ITIH4: variants seen among roughly 807,000 people sequenced by gnomAD.
ITIH4 encodes inter-alpha-trypsin inhibitor heavy chain H4.
A neutral mutation model predicts 111.8 loss-of-function variants in ITIH4; 79 were observed. The ratio of observed to expected loss-of-function variants is 0.71; its 90% CI spans 0.59 to 0.85. The LOEUF (loss-of-function observed/expected upper bound fraction) is 0.85, where lower values mean the gene tolerates loss of function less well. ITIH4 is among the 40% of genes least tolerant of loss of function. ITIH4 has a pLI of 0.00. For missense variants in ITIH4, 1,065 were observed against 1,195.8 expected, an observed-to-expected ratio of 0.89 and a Z score of 1.61; for synonymous variants, 472 against 468.3, an observed-to-expected ratio of 1.01 and a Z score of -0.10.
intron 20 of ITIH4, 90 bp from the exon 21 acceptor site, chr3:52,817,148 T>G: frequency 9.0e-7 from 1 of 1,114,002 alleles, no homozygotes; most frequent in Admixed American, 2.2e-5. Flanking sequence ...TCACACCCCC[T>G]GGAGTTCTGC....
At position 52,820,701 on chromosome 3, in the gene ITIH4, G is replaced by A; in HGVS notation, c.1764C>T (p.Leu588=). ...LSLAYSFVTP[L]TSMVVTKPDD... is the part of the protein sequence containing the mutation. ...CGGGTTTGGTGACTACCATAGATGT[G>A]AGAGGCGTGACAAAGCTGTAGGCAA... Residue 588 remains leucine, a synonymous_variant, in exon 13 of 24, where the codon CTC becomes CTT. Coordinates refer to ENST00000266041, the MANE Select transcript of ITIH4 (RefSeq NM_002218.5). The A allele has an allele frequency of 1.2e-6, 2 of 1,614,146 alleles. No individual in the cohort carries two copies. Among genetic ancestry groups the A allele is most frequent in the South Asian group, 1.1e-5 (1 of 91,070 alleles).
chr3:52,827,263 TC>T, intron 2 of ITIH4, 66 bp from the exon 3 acceptor site: 2 of 1,277,832 alleles, frequency 1.6e-6, no homozygotes, highest in South Asian at 1.2e-5. Flanking sequence ...TCCTGCCTCC[TC>T]CAGAGAGCCT....
chr3:52,822,374 G>A (rs1445767063), intron 11 of ITIH4: 2 of 152,044 alleles, frequency 1.3e-5, no homozygotes, highest in African/African-American at 4.8e-5. Context: ...TAGGTCTGAA[G>A]TTCAGGTCAT....
chr3:52,827,347 C>T, intron 2 of ITIH4, 150 bp from the exon 3 acceptor site: 1 of 681,512 alleles, frequency 1.5e-6, no homozygotes, highest in Non-Finnish European at 2.6e-6. Context: ...TATTATGCAC[C>T]TACCGCATAC....
intron 6 of ITIH4, 121 bp downstream of exon 6, chr3:52,825,765 G>C (rs571145258): frequency 2.7e-5 from 29 of 1,073,672 alleles, no homozygotes; most frequent in Non-Finnish European, 3.6e-5. Context: ...TGTCTGTGCC[G>C]GTCCCTGGTG....
Position 52,813,388 on chromosome 3 carries a change from T to C in ITIH4, c.*33A>G, listed in dbSNP as rs1317575873. The C allele has an allele frequency of 6.2e-7, 1 of 1,603,264 alleles. No homozygotes were observed. Among genetic ancestry groups the C allele is most frequent in the Non-Finnish European group, 8.5e-7 (1 of 1,170,472 alleles). On this transcript the variant is annotated 3_prime_UTR_variant, in exon 24 of 24. Transcript: ENST00000266041. Reference sequence around the variant, plus strand: ...CCTGCAGTTGCAGGGGGAAGCCAAGTGTACAGGGTGGGCACAGCTCCTTCC... The same window carrying C: ...CCTGCAGTTGCAGGGGGAAGCCAAGCGTACAGGGTGGGCACAGCTCCTTCC...
chr3:52,817,796 C>A (rs1257957073), intron 20 of ITIH4, among the ~76,000 whole-genome samples: 2 of 152,248 alleles, frequency 1.3e-5, no homozygotes, highest in Admixed American at 1.3e-4. Context: ...CTGGCTCCTC[C>A]TCTAGGCTCA....
At position 52,827,161 on chromosome 3, in the gene ITIH4, C is replaced by T. The variant is rs763196932; in HGVS notation, c.288G>A (p.Lys96=). The T allele has an allele frequency of 6.2e-7, 1 of 1,614,174 alleles. No individual in the cohort carries two copies. The highest frequency in any genetic ancestry group is 1.1e-5 in the South Asian group (1 of 91,090). ...IDGMTYPGII[K]EKAEAQAQYS... is the part of the protein sequence containing the mutation. ...ACTGTGCCTGGGCTTCAGCCTTCTC[C>T]TTGATGATCCCTGGGTAGGTCATGC... The change falls in exon 3 of 24, where the codon AAG becomes AAA. Residue 96 remains lysine, a synonymous_variant. Coordinates refer to ENST00000266041, the MANE Select transcript of ITIH4 (RefSeq NM_002218.5).
At chr3:52,827,693 C>T (rs1391116248) in intron 2 of ITIH4, among the ~76,000 whole-genome samples, 1 of 152,220 alleles carries the variant, frequency 6.6e-6, no homozygotes, top group Non-Finnish European at 1.5e-5. Context: ...TGAGCACTTT[C>T]CCCCTACAGC....
chr3:52,829,826 G>A lies in ITIH4; in HGVS notation c.91-547C>T, dbSNP rs1700539784. On this transcript the variant is annotated intron_variant, in intron 1 of 23. Coordinates refer to ENST00000266041, the MANE Select transcript of ITIH4 (RefSeq NM_002218.5). ...GAATTCGGAGGTAGACTAGAGTCTG[G>A]TCTCTGAGAGTTGGGAATCTTCCTC... 4 of 160,246 alleles carry A rather than the reference G, an allele frequency of 2.5e-5. No homozygotes were observed. The East Asian group carries it at 5.4e-4, about 22-fold the overall frequency. The allele number at this position is 160,246 out of a possible 1,614,324, so 9.9% of individuals were successfully genotyped here.
At chr3:52,830,425 C>T (rs746332207) in intron 1 of ITIH4, 128 bp downstream of exon 1, 1 of 908,286 alleles carries the variant, frequency 1.1e-6, no homozygotes, top group East Asian at 2.4e-5. Flanking sequence ...AGGTCTGCAC[C>T]ATTTTTTTGC....
chr3:52,813,536 A>C, intron 23 of ITIH4, 46 bp from the exon 24 acceptor site: 194 of 1,528,890 alleles, frequency 1.3e-4, no homozygotes, highest in Non-Finnish European at 1.6e-4. Flanking sequence ...AGCAAATCTC[A>C]GGTGTGGTGC....
At chr3:52,818,674 G>T (rs934133572) in intron 17 of ITIH4, 138 bp from the exon 18 acceptor site, 34 of 705,706 alleles carry the variant, frequency 4.8e-5, no homozygotes, top group Non-Finnish European at 8.2e-5. Context: ...TGTCACAGGA[G>T]ATTTTCAAAC....
intron 18 of ITIH4, 55 bp from the exon 19 acceptor site, chr3:52,818,338 T>C (rs377407709): frequency 5.7e-6 from 9 of 1,573,042 alleles, no homozygotes; most frequent in African/African-American, 1.4e-5. Context: ...AGTGGGAGGT[T>C]GAGGGAGGGA....
chr3:52,820,489 C>T, intron 13 of ITIH4, 142 bp downstream of exon 13: 3 of 1,188,358 alleles, frequency 2.5e-6, no homozygotes, highest in Non-Finnish European at 3.6e-6. Flanking sequence ...TCACTTTCCT[C>T]ATCAGTGAAT....
At chr3:52,819,600 T>C in intron 16 of ITIH4, 82 bp from the exon 17 acceptor site, 3 of 1,599,758 alleles carry the variant, frequency 1.9e-6, no homozygotes, top group South Asian at 1.1e-5. Context: ...CACCCAGGAG[T>C]GGGTGCGGAG....
chr3:52,820,938 C>A, intron 12 of ITIH4, 53 bp downstream of exon 12: 2 of 1,595,556 alleles, frequency 1.3e-6, no homozygotes, highest in Admixed American at 1.7e-5. Context: ...CTGTACCGTG[C>A]CACCTGTGCC....
rs767912701 is a variant in ITIH4 at position 52,821,122 on chromosome 3, C to G, written c.1548G>C (p.Gln516His). ...TGGACTCCGTTTGGAAAGTGATGTTCTGTGTAGGCTGGAAAGAGGGGCCCA... is the reference window on the plus strand; with the variant it reads ...TGGACTCCGTTTGGAAAGTGATGTTGTGTGTAGGCTGGAAAGAGGGGCCCA... The part of the protein sequence containing the change: ...TATVSGKLPT[Q>H]NITFQTESSV... Residue 516 changes from glutamine to histidine, a missense_variant, in exon 12 of 24, where the codon CAG becomes CAC. Coordinates refer to ENST00000266041, the MANE Select transcript of ITIH4 (RefSeq NM_002218.5). 3 of 1,613,184 alleles carry G rather than the reference C, an allele frequency of 1.9e-6. No homozygotes were observed. Among genetic ancestry groups the G allele is most frequent in the Non-Finnish European group, 2.5e-6 (3 of 1,179,916 alleles).
chr3:52,829,849 C>G (rs1465735718), intron 1 of ITIH4: 1 of 161,442 alleles, frequency 6.2e-6, no homozygotes, highest in Non-Finnish European at 1.4e-5. Flanking sequence ...GGGAATCTTC[C>G]TCTCTGCTCC....
Sources: gnomAD v4.1 joint callset for allele counts (sites outside exome capture counted in the v4.1 genomes callset) on GRCh38, gnomAD v4.1.1 for gene constraint, MANE v1.5 for transcripts, NCBI Gene and HGNC (gene_info 2026-07-23, HGNC 2026-07-21) for gene names.